Variants in ANKMY2 observed in about 807,000 individuals in gnomAD.
ANKMY2 encodes ankyrin repeat and MYND domain containing 2.
ANKMY2 carries 36 observed loss-of-function variants against 50.4 expected under a neutral mutation model. That is an observed-to-expected ratio of 0.71 (90% CI 0.55 to 0.94). The LOEUF (loss-of-function observed/expected upper bound fraction) is 0.94, where lower values mean the gene tolerates loss of function less well. Ranked by LOEUF, ANKMY2 falls within the 40% of genes least tolerant of loss-of-function variation. ANKMY2 has a pLI of 0.00. For missense variants in ANKMY2, 565 were observed against 524.0 expected (o/e 1.08, Z -0.76); for synonymous variants, 187 against 178.8 (o/e 1.05, Z -0.36).
intron 1 of ANKMY2, 30 bp from the exon 2 acceptor site, chr7:16,636,485 G>A (rs1395829768): frequency 2.0e-6 from 3 of 1,514,038 alleles, no homozygotes; most frequent in Non-Finnish European, 2.7e-6. Flanking sequence ...GAAAAGTAAG[G>A]TTATTCGTCA....
At chr7:16,610,294 TA>T (rs1039255769) in intron 6 of ANKMY2, among the ~76,000 whole-genome samples, 71 of 152,304 alleles carry the variant, frequency 4.7e-4, no homozygotes, top group African/African-American at 1.7e-3. Context: ...ACATGTTATT[TA>T]ACCTCTCCAA....
chr7:16,608,298 C>T (rs1250640034), intron 7 of ANKMY2, among the ~76,000 whole-genome samples: 3 of 152,086 alleles, frequency 2.0e-5, no homozygotes, highest in East Asian at 3.9e-4. Context: ...TTTATTCTTC[C>T]AAAAGCATAA....
At chr7:16,601,278 G>A (rs891846289) in intron 9 of ANKMY2, among the ~76,000 whole-genome samples, 1 of 152,230 alleles carries the variant, frequency 6.6e-6, no homozygotes, top group Admixed American at 6.5e-5. Context: ...TGTCCTTGGA[G>A]AGGTAATTGC....
At chr7:16,612,435 C>G (rs376811040) in intron 5 of ANKMY2, among the ~76,000 whole-genome samples, 15 of 152,062 alleles carry the variant, frequency 9.9e-5, no homozygotes, top group Admixed American at 5.9e-4. Context: ...TAATCAGAAT[C>G]CTTATTGATA....
intron 2 of ANKMY2, among the ~76,000 whole-genome samples, chr7:16,635,099 G>A (rs1781637635): frequency 1.3e-5 from 2 of 151,936 alleles, no homozygotes. Context: ...TCCCCAAACT[G>A]GAAACAACCC....
At chr7:16,620,065 A>G (rs947434545) in intron 4 of ANKMY2, among the ~76,000 whole-genome samples, 14 of 152,362 alleles carry the variant, frequency 9.2e-5, no homozygotes, top group African/African-American at 3.1e-4. Flanking sequence ...TCAGAAAGAA[A>G]GGTATTAATA....
chr7:16,612,830 A>G (rs1417003356), intron 5 of ANKMY2, among the ~76,000 whole-genome samples: 1 of 152,240 alleles, frequency 6.6e-6, no homozygotes, highest in East Asian at 1.9e-4. Context: ...ATTATGAAGT[A>G]ATATATTATA....
intron 8 of ANKMY2, among the ~76,000 whole-genome samples, chr7:16,602,746 C>T (rs959693736): frequency 6.6e-6 from 1 of 152,140 alleles, no homozygotes; most frequent in Admixed American, 6.6e-5. Context: ...GGGCGGTTTT[C>T]TCATGAACAG....
rs188943925 is a variant in ANKMY2 at position 16,610,493 on chromosome 7, A to G, written c.746+56T>C. 1.7e-4 allele frequency: 246 copies of G among 1,418,168 alleles called. 1 individual carries two copies. The African/African-American group carries it at 3.2e-3, about 18-fold the overall frequency. The allele number at this position is 1,418,168 out of a possible 1,614,324, so 87.8% of individuals were successfully genotyped here. A position where few individuals can be genotyped will look rare whatever the true frequency, so the allele number is the denominator to read the frequency against. ...GAAACACATAATAATGAGGCTTCAT[A>G]TTAAAAAAAATATTCACTTGAGTGT... is the stretch of plus-strand genomic sequence containing the variant. On this transcript the variant is annotated intron_variant, in intron 6 of 9. Transcript: ENST00000306999.
chr7:16,607,386 T>G (rs761832675), intron 7 of ANKMY2, among the ~76,000 whole-genome samples: 9 of 151,912 alleles, frequency 5.9e-5, no homozygotes, highest in Non-Finnish European at 1.2e-4. Context: ...GCCAACATGG[T>G]GAAAACCCGT....
At position 16,645,593 on chromosome 7, in the gene ANKMY2, GTTA is replaced by G. The variant is rs756498030; in HGVS notation, c.-23_-21del. On this transcript the variant is annotated 5_prime_UTR_variant, in exon 1 of 10. Coordinates refer to ENST00000306999, the MANE Select transcript of ANKMY2 (RefSeq NM_020319.3). ...AACCATTGCTCCCGCCAGCTTGAAG[GTTA>G]TTCCCTTTCTTAGGGAGTATTAAAA... The G allele has an allele frequency of 6.8e-6, 11 of 1,608,102 alleles. No individual in the cohort carries two copies. The South Asian group carries it at 1.2e-4, about 18-fold the overall frequency.
intron 2 of ANKMY2, among the ~76,000 whole-genome samples, chr7:16,628,351 A>C (rs1781534613): frequency 6.6e-6 from 1 of 152,206 alleles, no homozygotes; most frequent in Admixed American, 6.5e-5. Context: ...TGTGGAGACG[A>C]GAATGATAGA....
chr7:16,608,132 T>G (rs1006283200), intron 7 of ANKMY2, among the ~76,000 whole-genome samples: 4 of 152,202 alleles, frequency 2.6e-5, no homozygotes, highest in African/African-American at 9.7e-5. Context: ...GTCCCCAAAC[T>G]ATTTTTAAGT....
At chr7:16,643,507 A>AGCCTGG (rs1781773179) in intron 1 of ANKMY2, among the ~76,000 whole-genome samples, 1 of 152,104 alleles carries the variant, frequency 6.6e-6, no homozygotes, top group African/African-American at 2.4e-5. Context: ...GGCATGGTCC[A>AGCCTGG]ATGAAAGCGA....
At chr7:16,639,039 T>G (rs1262174496) in intron 1 of ANKMY2, among the ~76,000 whole-genome samples, 1 of 152,150 alleles carries the variant, frequency 6.6e-6, no homozygotes, top group Non-Finnish European at 1.5e-5. Context: ...AGATTGGGCT[T>G]CTAGAGGGTA....
intron 4 of ANKMY2, 54 bp downstream of exon 4, chr7:16,624,929 T>C (rs1327957337): frequency 4.0e-5 from 60 of 1,510,828 alleles, no homozygotes; most frequent in Non-Finnish European, 5.3e-5. Context: ...GGGTTTTTTT[T>C]CCACAAGGGA....
chr7:16,603,805 A>G, intron 8 of ANKMY2: 2 of 439,222 alleles, frequency 4.6e-6, no homozygotes, highest in Middle Eastern at 3.4e-4. Context: ...TATTGCCATG[A>G]CAACATGCTC....
intron 2 of ANKMY2, among the ~76,000 whole-genome samples, chr7:16,636,032 G>A (rs183240662): frequency 7.2e-5 from 11 of 152,142 alleles, no homozygotes; most frequent in South Asian, 2.1e-4. Context: ...AAGGCTGAGC[G>A]TGGTGGCTCA....
At chr7:16,611,142 T>A (rs1781244265) in intron 5 of ANKMY2, among the ~76,000 whole-genome samples, 1 of 152,218 alleles carries the variant, frequency 6.6e-6, no homozygotes, top group African/African-American at 2.4e-5. Context: ...ATAACCACTT[T>A]TAGTTAACAT....
Sources: gnomAD v4.1 joint callset for allele counts (sites outside exome capture counted in the v4.1 genomes callset) on GRCh38, gnomAD v4.1.1 for gene constraint, MANE v1.5 for transcripts, NCBI Gene and HGNC (gene_info 2026-07-23, HGNC 2026-07-21) for gene names.